The following TENM3 variants were observed in gnomAD, a reference collection of about 807,000 sequenced individuals.
TENM3 encodes teneurin transmembrane protein 3.
Under a neutral mutation model 255.1 loss-of-function variants are expected in TENM3, and 63 were observed. That is an observed-to-expected ratio of 0.25 (90% CI 0.20 to 0.30). The LOEUF is 0.30. TENM3 is among the 10% of genes least tolerant of loss of function. The pLI is 1.00. For synonymous variants in TENM3, 1,306 were observed against 1,322.3 expected, an observed-to-expected ratio of 0.99 and a Z score of 0.27; for missense variants, 2,929 against 3,461.1, an observed-to-expected ratio of 0.85 and a Z score of 3.86.
chr4:182,323,073 G>T (rs1399683944), intron 1 of TENM3, among the ~76,000 whole-genome samples: 1 of 152,088 alleles, frequency 6.6e-6, no homozygotes, highest in African/African-American at 2.4e-5. Flanking sequence ...TTCGCCCCGG[G>T]CCACTCTCCC....
chr4:182,241,518 C>CTTTTCTTT (rs1554036904), upstream of TENM3, among the ~76,000 whole-genome samples: 11 of 114,274 alleles, frequency 9.6e-5, no homozygotes, highest in African/African-American at 3.5e-4. Context: ...TTTTTTCTTT[C>CTTTTCTTT]TTTTTTTTTT....
At chr4:182,232,236 T>C (rs1756629202) in intron 1 of TENM3, among the ~76,000 whole-genome samples, 1 of 152,148 alleles carries the variant, frequency 6.6e-6, no homozygotes, top group African/African-American at 2.4e-5. Flanking sequence ...CTCTCACTTC[T>C]CACTTGGCCA....
At chr4:182,044,629 C>T in the TENM3 span, among the ~76,000 whole-genome samples, 2 of 152,150 alleles carry the variant, frequency 1.3e-5, no homozygotes, top group African/African-American at 4.8e-5. Flanking sequence ...GGTCTGTTTT[C>T]AAAATGGAGA....
intron 3 of TENM3, among the ~76,000 whole-genome samples, chr4:182,583,135 T>C (rs1231597183): frequency 6.6e-6 from 1 of 152,218 alleles, no homozygotes; most frequent in Non-Finnish European, 1.5e-5. Context: ...TCAGGAGAGC[T>C]GTAGCCAGCT....
the TENM3 span, among the ~76,000 whole-genome samples, chr4:181,995,742 C>A: frequency 3.9e-5 from 6 of 152,098 alleles, no homozygotes; most frequent in Non-Finnish European, 7.4e-5. Flanking sequence ...TACTTATAAT[C>A]CTATGAGACA....
intron 3 of TENM3, among the ~76,000 whole-genome samples, chr4:182,408,815 C>T (rs1387243463): frequency 1.3e-5 from 2 of 152,160 alleles, no homozygotes; most frequent in African/African-American, 2.4e-5. Context: ...GTGTTATTTG[C>T]GATGCACACT....
At chr4:182,532,223 A>G (rs1249467544) in intron 3 of TENM3, among the ~76,000 whole-genome samples, 1 of 152,204 alleles carries the variant, frequency 6.6e-6, no homozygotes, top group Non-Finnish European at 1.5e-5. Flanking sequence ...TTTGACAAAT[A>G]TGGCTTCTCT....
chr4:182,505,649 T>A (rs1736738162), intron 3 of TENM3, among the ~76,000 whole-genome samples: 1 of 152,116 alleles, frequency 6.6e-6, no homozygotes, highest in Non-Finnish European at 1.5e-5. Context: ...CGGCTATTTT[T>A]TTTTATTTTC....
chr4:182,367,351 C>A (rs1201237716), intron 3 of TENM3, among the ~76,000 whole-genome samples: 2 of 152,142 alleles, frequency 1.3e-5, no homozygotes, highest in Non-Finnish European at 2.9e-5. Context: ...TTAGGCGGAA[C>A]TGTGAACGTT....
chr4:182,220,378 CAAAA>C (rs60851113), intron 1 of TENM3, among the ~76,000 whole-genome samples: 1 of 77,494 alleles, frequency 1.3e-5, no homozygotes, highest in Non-Finnish European at 2.2e-5. Flanking sequence ...CTCTGTCTCA[CAAAA>C]AAAAAAAAAA....
the TENM3 span, among the ~76,000 whole-genome samples, chr4:181,681,751 T>G: frequency 2.2e-5 from 3 of 133,946 alleles, no homozygotes; most frequent in African/African-American, 9.3e-5. Flanking sequence ...CTCAGCTATT[T>G]TTTTTTCCCC....
intron 3 of TENM3, among the ~76,000 whole-genome samples, chr4:182,347,999 TAGCTTTC>T (rs1764939880): frequency 6.6e-6 from 1 of 152,220 alleles, no homozygotes; most frequent in Non-Finnish European, 1.5e-5. Context: ...GATCTATTGT[TAGCTTTC>T]AGTTTCAGCT....
chr4:181,978,663 A>C, the TENM3 span, among the ~76,000 whole-genome samples: 1 of 150,782 alleles, frequency 6.6e-6, no homozygotes, highest in Non-Finnish European at 1.5e-5. Context: ...AAAAAAAGAA[A>C]AGAAAAGAAA....
the TENM3 span, among the ~76,000 whole-genome samples, chr4:182,134,842 A>G: frequency 7.2e-5 from 11 of 152,112 alleles, no homozygotes; most frequent in African/African-American, 2.7e-4. Flanking sequence ...GCTTTATTCC[A>G]CAACTCTCTT....
the TENM3 span, among the ~76,000 whole-genome samples, chr4:181,594,877 C>T: frequency 6.6e-6 from 1 of 152,160 alleles, no homozygotes. Flanking sequence ...ATCACAGAAA[C>T]TTGTCCTAAC....
At chr4:182,238,672 T>A (rs1304669618), upstream of TENM3, among the ~76,000 whole-genome samples, 1 of 152,206 alleles carries the variant, frequency 6.6e-6, no homozygotes, top group Non-Finnish European at 1.5e-5. Context: ...AATGTTTCCC[T>A]GACTGTCGGT....
the TENM3 span, among the ~76,000 whole-genome samples, chr4:181,886,728 A>C: frequency 1.3e-5 from 2 of 152,212 alleles, no homozygotes; most frequent in African/African-American, 4.8e-5. Flanking sequence ...TAAAACTTAG[A>C]AGTAATTTTA....
the TENM3 span, among the ~76,000 whole-genome samples, chr4:181,580,386 G>A: frequency 3.3e-5 from 5 of 152,146 alleles, no homozygotes; most frequent in East Asian, 9.6e-4. Flanking sequence ...TTCTCCATCT[G>A]CCACCCCAAC....
At chr4:182,680,212 T>C in intron 8 of TENM3, 36 bp from the exon 9 acceptor site, 1 of 1,430,912 alleles carries the variant, frequency 7.0e-7, no homozygotes, top group Non-Finnish European at 9.8e-7. Flanking sequence ...AGAGGCAGGC[T>C]ATACAACAAG....
Sources: allele counts gnomAD v4.1 joint callset (sites outside exome capture counted in the v4.1 genomes callset), GRCh38; gene constraint gnomAD v4.1.1; transcripts MANE v1.5; gene names NCBI Gene and HGNC (gene_info 2026-07-23, HGNC 2026-07-21).